Variants in PCDH15 observed in about 807,000 individuals in gnomAD.
PCDH15 encodes the protein protocadherin-15.
A neutral mutation model predicts 178.5 loss-of-function variants in PCDH15; 129 were observed. That is an observed-to-expected ratio of 0.72 (90% CI 0.63 to 0.84). The LOEUF (loss-of-function observed/expected upper bound fraction) is 0.84, where lower values mean the gene tolerates loss of function less well. PCDH15 is among the 40% of genes least tolerant of loss of function. The pLI, the probability that PCDH15 is intolerant of heterozygous loss-of-function variation, is 0.00. For missense variants in PCDH15, 2,230 were observed against 2,099.9 expected, an observed-to-expected ratio of 1.06 and a Z score of -1.21; for synonymous variants, 800 against 732.0, an observed-to-expected ratio of 1.09 and a Z score of -1.50.
chr10:54,640,335 C>A (rs1284256319), intron 2 of PCDH15, among the ~76,000 whole-genome samples: 2 of 150,944 alleles, frequency 1.3e-5, no homozygotes, highest in African/African-American at 4.9e-5. Context: ...TTTAGGAATA[C>A]TTACTATTAT....
intron 2 of PCDH15, among the ~76,000 whole-genome samples, chr10:55,027,636 T>C (rs4576728): frequency 0.46 from 69,038 of 151,094 alleles, 17,581 homozygotes; most frequent in East Asian, 0.74. Context: ...CAACTTCTCT[T>C]CCCCTGTCAT....
At chr10:54,113,078 C>T (rs983506733) in intron 15 of PCDH15, among the ~76,000 whole-genome samples, 1 of 152,088 alleles carries the variant, frequency 6.6e-6, no homozygotes, top group African/African-American at 2.4e-5. Context: ...GTGCCTAAAG[C>T]AGTTTTAGGA....
In PCDH15 at chr10:54,303,409, T is replaced by A. The variant is rs768788043; in HGVS notation, c.876+13862A>T. Reference sequence around the variant, plus strand: ...TCCCATATGTACATATATATAAAAATATATTTATGTATGTGTATATATATG... The same window carrying A: ...TCCCATATGTACATATATATAAAAAAATATTTATGTATGTGTATATATATG... On this transcript the variant is annotated intron_variant, in intron 8 of 37. Transcript: ENST00000644397. Among the ~76,000 whole-genome samples, 226 of 152,040 alleles carry A rather than the reference T, an allele frequency of 1.5e-3. 1 individual carries two copies. Among genetic ancestry groups the A allele is most frequent in the African/African-American group, 3.2e-3 (134 of 41,518 alleles).
At chr10:54,174,804 C>T (rs1353939956) in intron 13 of PCDH15, among the ~76,000 whole-genome samples, 2 of 146,422 alleles carry the variant, frequency 1.4e-5, no homozygotes, top group South Asian at 2.1e-4. Flanking sequence ...GAGATTCTCC[C>T]GCTTCAGCCT....
intron 2 of PCDH15, among the ~76,000 whole-genome samples, chr10:54,588,217 A>T (rs2091633926): frequency 6.6e-6 from 1 of 152,168 alleles, no homozygotes; most frequent in Non-Finnish European, 1.5e-5. Context: ...CACTAAATCA[A>T]TTTTAAGATA....
chr10:55,099,168 T>A (rs1159610211), intron 2 of PCDH15, among the ~76,000 whole-genome samples: 1 of 152,046 alleles, frequency 6.6e-6, no homozygotes, highest in Non-Finnish European at 1.5e-5. Context: ...CCTCTAGGGG[T>A]TCTCCTTTAT....
At chr10:54,561,946 T>G (rs1328929581) in intron 2 of PCDH15, among the ~76,000 whole-genome samples, 3 of 147,674 alleles carry the variant, frequency 2.0e-5, no homozygotes, top group African/African-American at 7.5e-5. Flanking sequence ...CCTCCCAAAG[T>G]GCTGGGATTA....
At position 53,803,592 on chromosome 10, in the gene PCDH15, G is replaced by A. The variant is rs770262782; in HGVS notation, c.*2987C>T. On this transcript the variant is annotated 3_prime_UTR_variant, in exon 38 of 38. Transcript: ENST00000644397. ...AAAAAGATGGTTTTGGCCAACCTACGGTTGCAATTCTATGACAACTCTCAG... is the reference window on the plus strand; with the variant it reads ...AAAAAGATGGTTTTGGCCAACCTACAGTTGCAATTCTATGACAACTCTCAG... 1 of 151,844 alleles carries A rather than the reference G, an allele frequency of 6.6e-6. No individual in the cohort carries two copies. The highest frequency in any genetic ancestry group is 2.4e-5 in the African/African-American group (1 of 41,378). 9.4% of individuals were successfully genotyped at this position (151,844 alleles called of 1,614,324 possible).
intron 3 of PCDH15, among the ~76,000 whole-genome samples, chr10:54,845,558 A>G (rs2131757393): frequency 6.6e-6 from 1 of 152,278 alleles, no homozygotes; most frequent in South Asian, 2.1e-4. Context: ...GGCAGGGAAT[A>G]GCCAAAGCCT....
chr10:54,091,318 A>G (rs745881290), intron 15 of PCDH15, among the ~76,000 whole-genome samples: 1 of 150,534 alleles, frequency 6.6e-6, no homozygotes, highest in Non-Finnish European at 1.5e-5. Flanking sequence ...CAGCCTCTCC[A>G]CAGACAGGAA....
At position 54,600,696 on chromosome 10, in the gene PCDH15, C is replaced by A. The variant is rs538218849; in HGVS notation, c.91+63476G>T. 4.0e-5 allele frequency: 22 copies of A among 555,976 alleles called. 1 individual carries two copies. Among genetic ancestry groups the A allele is most frequent in the South Asian group, 2.7e-4 (19 of 70,504 alleles). 34.4% of individuals were successfully genotyped at this position (555,976 alleles called of 1,614,324 possible). A position where few individuals can be genotyped will look rare whatever the true frequency, so the allele number is the denominator to read the frequency against. ...CCAGAGTGACTAAGATTTGAGTCCA[C>A]TGCAAAAGTTTAAGCCATACGACAA... On this transcript the variant is annotated intron_variant, in intron 2 of 37. Coordinates refer to ENST00000644397, the MANE Select transcript of PCDH15 (RefSeq NM_001384140.1).
chr10:55,399,416 G>C (rs1208087536), intron 2 of PCDH15, among the ~76,000 whole-genome samples: 1 of 152,160 alleles, frequency 6.6e-6, no homozygotes, highest in East Asian at 1.9e-4. Context: ...TAAAATGTGT[G>C]CGAATATTTT....
At chr10:55,134,111 C>A (rs1838129608) in intron 2 of PCDH15, among the ~76,000 whole-genome samples, 5 of 152,052 alleles carry the variant, frequency 3.3e-5, no homozygotes, top group Admixed American at 3.3e-4. Flanking sequence ...TGTAAGTCCC[C>A]ACATAATACT....
intron 2 of PCDH15, among the ~76,000 whole-genome samples, chr10:54,960,495 T>C (rs1185246257): frequency 6.6e-6 from 1 of 152,184 alleles, no homozygotes; most frequent in Non-Finnish European, 1.5e-5. Context: ...AAAAAACTAA[T>C]ACTCTTGAAC....
At chr10:55,044,335 T>C (rs543793475) in intron 2 of PCDH15, among the ~76,000 whole-genome samples, 31 of 152,266 alleles carry the variant, frequency 2.0e-4, no homozygotes, top group Admixed American at 8.5e-4. Flanking sequence ...TAACTTTCAA[T>C]TTGTTTCTCT....
intron 2 of PCDH15, among the ~76,000 whole-genome samples, chr10:54,620,779 G>A (rs1023533615): frequency 6.6e-5 from 10 of 152,144 alleles, no homozygotes; most frequent in African/African-American, 2.4e-4. Flanking sequence ...ATTGCAATGT[G>A]TAAGAGAAAA....
At chr10:54,939,679 G>A (rs1838009754) in intron 2 of PCDH15, among the ~76,000 whole-genome samples, 1 of 151,996 alleles carries the variant, frequency 6.6e-6, no homozygotes, top group Non-Finnish European at 1.5e-5. Context: ...GGAAGGTTTT[G>A]TAAAATAAAA....
At chr10:54,239,452 T>C (rs1452946123) in intron 8 of PCDH15, among the ~76,000 whole-genome samples, 1 of 144,226 alleles carries the variant, frequency 6.9e-6, no homozygotes, top group Non-Finnish European at 1.5e-5. Flanking sequence ...ACTGAAGAAC[T>C]AAAAAGAAAC....
At chr10:54,155,467 T>C (rs1011002350) in intron 13 of PCDH15, among the ~76,000 whole-genome samples, 12 of 152,268 alleles carry the variant, frequency 7.9e-5, no homozygotes, top group African/African-American at 2.9e-4. Flanking sequence ...ATGTTTAAGT[T>C]ACCTAGATAA....
Sources: gnomAD v4.1 joint callset for allele counts (sites outside exome capture counted in the v4.1 genomes callset) on GRCh38, gnomAD v4.1.1 for gene constraint, MANE v1.5 for transcripts, NCBI Gene and HGNC (gene_info 2026-07-23, HGNC 2026-07-21) for gene names.